CLINT1: variants seen among roughly 807,000 people sequenced by gnomAD.
The protein encoded by CLINT1 is clathrin interacting protein localized in the trans-Golgi region.
CLINT1 carries 15 observed loss-of-function variants against 70.4 expected under a neutral mutation model. The observed-to-expected ratio is 0.21, with a 90% CI of 0.14 to 0.33. The LOEUF is 0.33. CLINT1 is among the 10% of genes least tolerant of loss of function. CLINT1 has a pLI of 1.00. For synonymous variants in CLINT1, 227 were observed against 254.7 expected (o/e 0.89, Z 1.04); for missense variants, 615 against 778.1 (o/e 0.79, Z 2.49).
At chr5:157,849,976 A>C (rs1229361636) in intron 1 of CLINT1, among the ~76,000 whole-genome samples, 1 of 152,242 alleles carries the variant, frequency 6.6e-6, no homozygotes, top group Non-Finnish European at 1.5e-5. Flanking sequence ...GGAGATGAAT[A>C]CATGTAACAG....
chr5:157,813,658 G>C (rs1019273591), intron 4 of CLINT1, among the ~76,000 whole-genome samples: 1 of 152,156 alleles, frequency 6.6e-6, no homozygotes, highest in Non-Finnish European at 1.5e-5. Flanking sequence ...CCCAGTACAC[G>C]TCTGGAACAC....
chr5:157,843,241 A>G (rs1753253773), intron 1 of CLINT1, among the ~76,000 whole-genome samples: 2 of 152,212 alleles, frequency 1.3e-5, no homozygotes, highest in Admixed American at 1.3e-4. Flanking sequence ...TAAATTTTAA[A>G]CTTTTTAACA....
chr5:157,796,895 T>C (rs184598119), intron 8 of CLINT1, among the ~76,000 whole-genome samples: 1 of 152,208 alleles, frequency 6.6e-6, no homozygotes, highest in Non-Finnish European at 1.5e-5. Context: ...TACATATATA[T>C]ATATATATAT....
intron 8 of CLINT1, among the ~76,000 whole-genome samples, chr5:157,801,907 T>G (rs1762235133): frequency 6.6e-6 from 1 of 152,176 alleles, no homozygotes. Context: ...AGTTTTTTTT[T>G]TTTTGAGACA....
At chr5:157,827,120 C>T (rs1477319999) in intron 1 of CLINT1, among the ~76,000 whole-genome samples, 4 of 151,996 alleles carry the variant, frequency 2.6e-5, no homozygotes, top group Non-Finnish European at 5.9e-5. Context: ...ATATAGCTAG[C>T]AGAATAAATC....
At chr5:157,801,195 A>T (rs1162806096) in intron 8 of CLINT1, among the ~76,000 whole-genome samples, 4 of 152,204 alleles carry the variant, frequency 2.6e-5, no homozygotes, top group Non-Finnish European at 5.9e-5. Flanking sequence ...AAAACGGGAA[A>T]GGGAATTGAA....
Position 157,787,668 on chromosome 5 carries a change from T to C in CLINT1, c.1856A>G (p.Asn619Ser), listed in dbSNP as rs1761766008. 6 of 1,613,172 alleles carry C rather than the reference T, an allele frequency of 3.7e-6. No individual in the cohort carries two copies. In the South Asian group the frequency reaches 5.5e-5, roughly 15 times the overall value. ...CTCTTATTTGCTAAAATTGGCGAAA[T>C]TTGCAAAGGCATCTTGCTTGGGTTG... ...TVQPKQDAFA[N>S]FANFSK The change falls in exon 12 of 12, where the codon AAT becomes AGT. Residue 619 changes from asparagine to serine, a missense_variant. By Grantham distance (46) the Asn-to-Ser change is conservative. Around this residue, in one of 2 missense-constraint regions of CLINT1, gnomAD observed 374 missense variants for 409.6 expected, o/e 0.91. Transcript: ENST00000411809.
At chr5:157,854,733 T>TA (rs1156761383) in intron 1 of CLINT1, among the ~76,000 whole-genome samples, 5 of 152,210 alleles carry the variant, frequency 3.3e-5, no homozygotes, top group African/African-American at 9.6e-5. Context: ...TATACATCAA[T>TA]AAAAATCAAC....
chr5:157,839,449 A>G (rs892909491), intron 1 of CLINT1, among the ~76,000 whole-genome samples: 1 of 151,926 alleles, frequency 6.6e-6, no homozygotes, highest in African/African-American at 2.4e-5. Flanking sequence ...AAAAATACAA[A>G]AATCAGCTGG....
At chr5:157,830,796 C>CTATATATATATATATATA (rs369160163) in intron 1 of CLINT1, among the ~76,000 whole-genome samples, 3 of 85,720 alleles carry the variant, frequency 3.5e-5, no homozygotes, top group African/African-American at 1.0e-4. Flanking sequence ...CTCTCTCTCT[C>CTATATATATATATATATA]TATATATATA....
chr5:157,788,773 G>C (rs2113117447), intron 11 of CLINT1, among the ~76,000 whole-genome samples: 1 of 152,158 alleles, frequency 6.6e-6, no homozygotes, highest in East Asian at 1.9e-4. Flanking sequence ...TTCAAGACCA[G>C]ACTGGACAAC....
At position 157,791,689 on chromosome 5, in the gene CLINT1, A is replaced by G; in HGVS notation, c.1380+14T>C. 6.3e-7 allele frequency: 1 copy of G among 1,594,334 alleles called. No individual in the cohort carries two copies. On this transcript the variant is annotated intron_variant, in intron 10 of 11. Transcript: ENST00000411809. ...ATTATAAATAACAAATTCCAAGGGAACCAGACAACTTACCTGTGATCTTGA... is the reference window on the plus strand; with the variant it reads ...ATTATAAATAACAAATTCCAAGGGAGCCAGACAACTTACCTGTGATCTTGA...
intron 1 of CLINT1, among the ~76,000 whole-genome samples, chr5:157,838,544 C>T (rs978130120): frequency 6.6e-6 from 1 of 152,172 alleles, no homozygotes; most frequent in Non-Finnish European, 1.5e-5. Flanking sequence ...CTTTTTTCTA[C>T]AAATTTTGCA....
chr5:157,835,564 G>A (rs1023349720), intron 1 of CLINT1, among the ~76,000 whole-genome samples: 4 of 151,870 alleles, frequency 2.6e-5, no homozygotes, highest in Admixed American at 6.6e-5. Context: ...GCCTAACAAC[G>A]AATGTCTAAC....
intron 1 of CLINT1, among the ~76,000 whole-genome samples, chr5:157,823,069 C>T (rs1049895627): frequency 2.6e-5 from 4 of 151,964 alleles, no homozygotes; most frequent in Admixed American, 1.3e-4. Context: ...TATGGTTTCT[C>T]TTTGTTTTAA....
At chr5:157,809,566 A>C in intron 6 of CLINT1, 62 bp downstream of exon 6, 1 of 1,453,038 alleles carries the variant, frequency 6.9e-7, no homozygotes, top group Non-Finnish European at 9.2e-7. Context: ...AAAAACCAAA[A>C]ACCCAGTGGC....
chr5:157,791,997 T>G lies in CLINT1; in HGVS notation c.1088-2A>C, dbSNP rs779415344. On this transcript the variant is annotated splice_acceptor_variant, in intron 9 of 11. Transcript: ENST00000411809. LOFTEE classifies it high-confidence loss of function. ...CTCCATTCCCACTTGTTGCTGTTAC[T>G]AAGACAGAAATAACTCTAAGGGTAA... is the stretch of plus-strand genomic sequence containing the variant. 2.5e-6 allele frequency: 4 copies of G among 1,611,194 alleles called. No homozygotes were observed. In the Admixed American group the frequency reaches 6.7e-5, roughly 27 times the overall value.
At chr5:157,839,922 T>C (rs1473855833) in intron 1 of CLINT1, among the ~76,000 whole-genome samples, 2 of 151,256 alleles carry the variant, frequency 1.3e-5, no homozygotes, top group African/African-American at 4.9e-5. Context: ...AAGCTAAGGG[T>C]GCTCAAAAGA....
chr5:157,833,947 A>C (rs1763331305), intron 1 of CLINT1, among the ~76,000 whole-genome samples: 1 of 152,066 alleles, frequency 6.6e-6, no homozygotes, highest in African/African-American at 2.4e-5. Flanking sequence ...GCCTCAAAAA[A>C]CAAAAACAGT....
Sources: gnomAD v4.1 joint callset for allele counts (sites outside exome capture counted in the v4.1 genomes callset) on GRCh38, gnomAD v4.1.1 for gene constraint, gnomAD v4.1.1 regional missense constraint, MANE v1.5 for transcripts, NCBI Gene and HGNC (gene_info 2026-07-23, HGNC 2026-07-21) for gene names.